PLG: variants seen among roughly 807,000 people sequenced by gnomAD.
The protein encoded by PLG is plasminogen.
In PLG, 41 loss-of-function variants were observed where a neutral mutation model predicts 104.4. The observed-to-expected ratio is 0.39, with a 90% confidence interval of 0.31 to 0.51. PLG has a LOEUF of 0.51. Among genes scored for constraint, PLG ranks in the 20% least tolerant of loss-of-function variants. The probability of loss-of-function intolerance (pLI) is 0.76; values close to 1 mark genes in which losing one functional copy is unlikely to be tolerated. For missense variants in PLG, 891 were observed against 1,003.6 expected (o/e 0.89, Z 1.52); for synonymous variants, 337 against 357.1 (o/e 0.94, Z 0.63).
chr6:160,716,838 G>A (rs1022436598), intron 7 of PLG, 75 bp downstream of exon 7: 1 of 877,734 alleles, frequency 1.1e-6, no homozygotes, highest in African/African-American at 1.6e-5. Flanking sequence ...ACATGTGTCA[G>A]TGCCTGAGTG....
intron 17 of PLG, among the ~76,000 whole-genome samples, chr6:160,748,424 AAG>A (rs1778330630): frequency 1.1e-5 from 1 of 94,846 alleles, no homozygotes; most frequent in Non-Finnish European, 2.2e-5. Flanking sequence ...AAGGGAAAGA[AAG>A]AGAACGAAAG....
At position 160,718,842 on chromosome 6, in the gene PLG, A is replaced by C. The variant is rs1406061655; in HGVS notation, c.1096+4A>C. The C allele has an allele frequency of 2.5e-6, 4 of 1,613,558 alleles. No homozygotes were observed. In the South Asian group the frequency reaches 4.4e-5, roughly 18 times the overall value. ...ACGGAACAATTGGCTCCCACAGGTA[A>C]GCAAGGGTATGGGAGCTTACTGAGG... On this transcript the variant is annotated splice_donor_region_variant and intron_variant, in intron 9 of 18. Coordinates refer to ENST00000308192, the MANE Select transcript of PLG (RefSeq NM_000301.5).
In PLG at chr6:160,725,305, A is replaced by C. The variant is rs1184174957; in HGVS notation, c.1256+2738A>C. 6.6e-6 allele frequency among the ~76,000 whole-genome samples: 1 copy of C among 152,200 alleles called. No individual in the cohort carries two copies. The highest frequency in any genetic ancestry group is 2.4e-5 in the African/African-American group (1 of 41,454). ...TGCTACTTTAACATATGTAAAAGTAAAAATTTCTAAATAATAATAATCACA... is the reference window on the plus strand; with the variant it reads ...TGCTACTTTAACATATGTAAAAGTACAAATTTCTAAATAATAATAATCACA... On this transcript the variant is annotated intron_variant, in intron 10 of 18. Coordinates refer to ENST00000308192, the MANE Select transcript of PLG (RefSeq NM_000301.5). This position sits in a 1 kb window ranked among gnomAD's most constrained non-coding sequence, Gnocchi z 6.3.
chr6:160,711,218 T>C (rs377592315), intron 4 of PLG, 27 bp downstream of exon 4: 49 of 1,607,066 alleles, frequency 3.0e-5, no homozygotes, highest in Non-Finnish European at 4.2e-5. Flanking sequence ...CATCTTTGTG[T>C]TCATCTACTG....
rs550298310 is a variant in PLG, at chr6:160,731,684, G to A, written c.1439-61G>A. The A allele has an allele frequency of 1.4e-5, 21 of 1,511,598 alleles. No homozygotes were observed. In the South Asian group the frequency reaches 1.6e-4, roughly 11 times the overall value. The allele number at this position is 1,511,598 out of a possible 1,614,324, so 93.6% of individuals were successfully genotyped here. A position where few individuals can be genotyped will look rare whatever the true frequency, so the allele number is the denominator to read the frequency against. ...TAGAGAAACCTGACATGACTGTATT[G>A]ATTCCATATCATCCTGGGTCTCTGT... is the stretch of plus-strand genomic sequence containing the variant. On this transcript the variant is annotated intron_variant, in intron 11 of 18. Transcript: ENST00000308192. The surrounding 1 kb of genome is among the most constrained non-coding windows in gnomAD (Gnocchi z 5.1).
In PLG at chr6:160,739,309, T is replaced by C. The variant is rs143252114; in HGVS notation, c.2018+101T>C. 1,675 of 1,477,534 alleles carry C rather than the reference T, an allele frequency of 1.1e-3. 22 individuals carry two copies. The East Asian group carries it at 0.014, about 13-fold the overall frequency. 91.5% of individuals were successfully genotyped at this position (1,477,534 alleles called of 1,614,324 possible). A position where few individuals can be genotyped will look rare whatever the true frequency, so the allele number is the denominator to read the frequency against. Reference sequence around the variant, plus strand: ...CCACTGCATGGCAGTGGGGAGGAACTGTCTATCACATGAAAGGCTCAAGGG... The same window carrying C: ...CCACTGCATGGCAGTGGGGAGGAACCGTCTATCACATGAAAGGCTCAAGGG... On this transcript the variant is annotated intron_variant, in intron 16 of 18. Transcript: ENST00000308192. This position sits in a 1 kb window ranked among gnomAD's most constrained non-coding sequence, Gnocchi z 4.4.
intron 6 of PLG, 62 bp downstream of exon 6, chr6:160,714,976 T>C (rs1291596797): frequency 3.3e-6 from 5 of 1,527,484 alleles, no homozygotes; most frequent in Non-Finnish European, 4.5e-6. Flanking sequence ...TATCAGACAT[T>C]TGCTGTCATT....
Position 160,719,509 on chromosome 6 carries a change from G to T in PLG, c.1096+671G>T, listed in dbSNP as rs1777796396. On this transcript the variant is annotated intron_variant, in intron 9 of 18. Transcript: ENST00000308192. The surrounding 1 kb of genome is among the most constrained non-coding windows in gnomAD (Gnocchi z 4.1). ...TTAAATTGAGATGTTCAAACCATTT[G>T]CATTCATGCAATTGTTAATAGAGTT... Among the ~76,000 whole-genome samples, 1 of 152,030 alleles carries T rather than the reference G, an allele frequency of 6.6e-6. No individual in the cohort carries two copies. Among genetic ancestry groups the T allele is most frequent in the Non-Finnish European group, 1.5e-5 (1 of 68,004 alleles).
intron 9 of PLG, among the ~76,000 whole-genome samples, chr6:160,721,126 G>A (rs936264626): frequency 2.0e-5 from 3 of 151,832 alleles, no homozygotes; most frequent in African/African-American, 2.4e-5. Context: ...ACTGTCCACC[G>A]TTACAACAAG....
chr6:160,718,938 T>C (rs1777789526), intron 9 of PLG, 100 bp downstream of exon 9: 2 of 1,077,042 alleles, frequency 1.9e-6, no homozygotes, highest in Admixed American at 1.8e-5. Flanking sequence ...GTAAGTTTAA[T>C]GCTATTGTGG....
chr6:160,740,512 C>T lies in PLG; in HGVS notation c.2019-799C>T, dbSNP rs1778173822. Among the ~76,000 whole-genome samples, 1 of 152,140 alleles carries T rather than the reference C, an allele frequency of 6.6e-6. No individual in the cohort carries two copies. The highest frequency in any genetic ancestry group is 2.1e-4 in the South Asian group (1 of 4,826). ...GGGCATTTAGTGCTCCACCAGGGAA[C>T]CTGTAGAGTGAGGACGTCTGCATGA... On this transcript the variant is annotated intron_variant, in intron 16 of 18. Transcript: ENST00000308192. The surrounding 1 kb of genome is among the most constrained non-coding windows in gnomAD (Gnocchi z 5.2).
At chr6:160,748,252 C>G (rs1448808746) in intron 17 of PLG, among the ~76,000 whole-genome samples, 1 of 149,314 alleles carries the variant, frequency 6.7e-6, no homozygotes, top group African/African-American at 2.5e-5. Context: ...TTGCAGTGAG[C>G]CAAGATTGTG....
chr6:160,714,848 T>C lies in PLG; in HGVS notation c.602T>C (p.Met201Thr), dbSNP rs753493236. ...TATGACGGCAAAATTTCCAAGACCA[T>C]GTCTGGACTGGAATGCCAGGCCTGG... is the stretch of plus-strand genomic sequence containing the variant. Reference protein sequence around the residue: ...ENYDGKISKTMSGLECQAWDS... With the variant: ...ENYDGKISKTTSGLECQAWDS... Residue 201 changes from methionine (M) to threonine (T), a missense_variant, in exon 6 of 19, where the codon ATG becomes ACG. Physicochemically the swap from Met to Thr is moderately conservative, Grantham distance 81. Around this residue, in one of 2 missense-constraint regions of PLG, gnomAD observed 854 missense variants for 932.1 expected, o/e 0.92. Coordinates refer to ENST00000308192, the MANE Select transcript of PLG (RefSeq NM_000301.5). 6 of 1,612,450 alleles carry C rather than the reference T, an allele frequency of 3.7e-6. No homozygotes were observed. The African/African-American group carries it at 5.3e-5, about 14-fold the overall frequency.
rs1366431847 is a variant in PLG at position 160,706,317 on chromosome 6, C to T, written c.50-90C>T. The T allele has an allele frequency of 2.4e-5, 37 of 1,542,060 alleles. No homozygotes were observed. In the East Asian group the frequency reaches 3.6e-4, roughly 15 times the overall value. ...AACAGAAAGTTTTATTTGGTTAATG[C>T]TAACCAAATAGATTAAAAGGAAGTC... On this transcript the variant is annotated intron_variant, in intron 1 of 18. Coordinates refer to ENST00000308192, the MANE Select transcript of PLG (RefSeq NM_000301.5).
Position 160,732,684 on chromosome 6 carries a change from G to T in PLG, c.1587+791G>T, listed in dbSNP as rs191501632. Reference sequence around the variant, plus strand: ...GCTAGAGTGGCTCACAGAACTCAGGGGAACACGTTACTTTTATTTACCCAT... The same window carrying T: ...GCTAGAGTGGCTCACAGAACTCAGGTGAACACGTTACTTTTATTTACCCAT... On this transcript the variant is annotated intron_variant, in intron 12 of 18. Coordinates refer to ENST00000308192, the MANE Select transcript of PLG (RefSeq NM_000301.5). The surrounding 1 kb of genome is among the most constrained non-coding windows in gnomAD (Gnocchi z 4.5). Among the ~76,000 whole-genome samples, 1 of 152,232 alleles carries T rather than the reference G, an allele frequency of 6.6e-6. No homozygotes were observed. Among genetic ancestry groups the T allele is most frequent in the African/African-American group, 2.4e-5 (1 of 41,538 alleles).
intron 12 of PLG, among the ~76,000 whole-genome samples, chr6:160,733,129 G>A (rs1778025561): frequency 6.6e-6 from 1 of 152,164 alleles, no homozygotes; most frequent in Non-Finnish European, 1.5e-5. Flanking sequence ...AGGGATTTAG[G>A]AGCTCCGTGT....
At chr6:160,746,263 G>A (rs1778275980) in intron 17 of PLG, among the ~76,000 whole-genome samples, 1 of 152,208 alleles carries the variant, frequency 6.6e-6, no homozygotes, top group African/African-American at 2.4e-5. Flanking sequence ...AGAAATGCCA[G>A]TGATTTGTAG....
chr6:160,708,733 A>T (rs1777578789), intron 3 of PLG: 1 of 152,054 alleles, frequency 6.6e-6, no homozygotes, highest in South Asian at 2.1e-4. Flanking sequence ...TTACGGCAAA[A>T]CTCTAAGTAG....
At chr6:160,716,849 C>A (rs1010113560) in intron 7 of PLG, 86 bp downstream of exon 7, 2 of 848,100 alleles carry the variant, frequency 2.4e-6, no homozygotes, top group Non-Finnish European at 4.2e-6. Context: ...TGCCTGAGTG[C>A]AGCCTCTGAA....
Sources: allele counts gnomAD v4.1 joint callset (sites outside exome capture counted in the v4.1 genomes callset), GRCh38; gene constraint gnomAD v4.1.1; regional missense constraint gnomAD v4.1.1; non-coding constraint Gnocchi (gnomAD v3.1); transcripts MANE v1.5; gene names NCBI Gene and HGNC (gene_info 2026-07-23, HGNC 2026-07-21).